RAB27A: variants seen among roughly 807,000 people sequenced by gnomAD.
RAB27A encodes ras-related protein Rab-27A.
Under a neutral mutation model 20.8 loss-of-function variants are expected in RAB27A, and 17 were observed. The ratio of observed to expected loss-of-function variants is 0.82; its 90% CI spans 0.56 to 1.23. The LOEUF is 1.23. RAB27A is among the 50% of genes most tolerant of loss of function. The probability of loss-of-function intolerance (pLI) is 0.00; values close to 1 mark genes in which losing one functional copy is unlikely to be tolerated. For synonymous variants in RAB27A, 85 were observed against 92.8 expected (o/e 0.92, Z 0.48); for missense variants, 277 against 266.7 (o/e 1.04, Z -0.27).
intron 2 of RAB27A, among the ~76,000 whole-genome samples, chr15:55,310,683 T>A (rs1208238713): frequency 6.6e-6 from 1 of 152,284 alleles, no homozygotes; most frequent in African/African-American, 2.4e-5. Flanking sequence ...CCATTCCACC[T>A]GCTCCTCCTG....
intron 5 of RAB27A, among the ~76,000 whole-genome samples, chr15:55,226,855 T>A: frequency 8.3e-6 from 1 of 120,676 alleles, no homozygotes; most frequent in African/African-American, 3.2e-5. Context: ...GCAACAAGAG[T>A]AGAAACTCCA....
At chr15:55,302,503 G>A (rs926002307) in intron 2 of RAB27A, among the ~76,000 whole-genome samples, 149 of 151,796 alleles carry the variant, frequency 9.8e-4, no homozygotes, top group Non-Finnish European at 4.7e-4. Flanking sequence ...CACCCCGTCT[G>A]GGAAGTGAGG....
At chr15:55,252,731 A>G (rs1896937084) in intron 2 of RAB27A, among the ~76,000 whole-genome samples, 1 of 152,188 alleles carries the variant, frequency 6.6e-6, no homozygotes, top group South Asian at 2.1e-4. Flanking sequence ...TACAAAAAAA[A>G]AGACCCATAG....
chr15:55,251,845 T>C (rs1478469926), intron 2 of RAB27A, among the ~76,000 whole-genome samples: 1 of 152,188 alleles, frequency 6.6e-6, no homozygotes, highest in Non-Finnish European at 1.5e-5. Flanking sequence ...AGCTAATGTC[T>C]GTGTCATGAG....
chr15:55,285,142 T>G (rs1364215014), intron 1 of RAB27A, among the ~76,000 whole-genome samples: 2 of 152,300 alleles, frequency 1.3e-5, no homozygotes, highest in African/African-American at 4.8e-5. Flanking sequence ...TTTAGTGTTT[T>G]TCTGCAATGC....
chr15:55,312,137 G>A (rs1031355548), intron 2 of RAB27A, among the ~76,000 whole-genome samples: 4 of 152,248 alleles, frequency 2.6e-5, no homozygotes, highest in Non-Finnish European at 4.4e-5. Flanking sequence ...CAAGCCTTCA[G>A]TCCGATCAGG....
At chr15:55,256,450 C>G (rs1299664306) in intron 2 of RAB27A, among the ~76,000 whole-genome samples, 1 of 152,128 alleles carries the variant, frequency 6.6e-6, no homozygotes, top group Non-Finnish European at 1.5e-5. Context: ...CTGACCGTGA[C>G]TCAAAGCAAG....
intron 3 of RAB27A, among the ~76,000 whole-genome samples, chr15:55,233,509 A>G (rs1392968159): frequency 6.6e-6 from 1 of 152,232 alleles, no homozygotes; most frequent in Non-Finnish European, 1.5e-5. Flanking sequence ...ATAAGTAATG[A>G]AGTCCTGATA....
chr15:55,306,285 T>C lies in RAB27A; in HGVS notation c.-112+7754A>G, dbSNP rs552567910. Among the ~76,000 whole-genome samples, 11 of 152,266 alleles carry C rather than the reference T, an allele frequency of 7.2e-5. No homozygotes were observed. In the South Asian group the frequency reaches 1.2e-3, roughly 17 times the overall value. On this transcript the variant is annotated intron_variant, in intron 2 of 5. Transcript: ENST00000563262. ...TTGTTCCCTTGTTCAGGTACAGGGA[T>C]TGAAATGTATGGCCTTAAGTGCAGA... is the stretch of plus-strand genomic sequence containing the variant.
At chr15:55,299,499 C>G (rs1006634872) in intron 2 of RAB27A, among the ~76,000 whole-genome samples, 3 of 150,688 alleles carry the variant, frequency 2.0e-5, no homozygotes, top group African/African-American at 7.3e-5. Context: ...AAGGCTGAGG[C>G]AGGAGAATTG....
chr15:55,302,012 A>G (rs892152359), intron 2 of RAB27A, among the ~76,000 whole-genome samples: 35 of 151,814 alleles, frequency 2.3e-4, no homozygotes, highest in Non-Finnish European at 5.9e-5. Context: ...ACCTGTCTCT[A>G]CCAAAAATAG....
upstream of RAB27A, among the ~76,000 whole-genome samples, chr15:55,294,590 A>AG (rs1491386788): frequency 6.5e-5 from 6 of 92,832 alleles, no homozygotes; most frequent in Admixed American, 7.2e-4. Flanking sequence ...CCTGTCTCCG[A>AG]AAAAAAAAAA....
At chr15:55,209,472 C>A (rs1894811511) in intron 6 of RAB27A, among the ~76,000 whole-genome samples, 1 of 152,068 alleles carries the variant, frequency 6.6e-6, no homozygotes, top group Non-Finnish European at 1.5e-5. Context: ...GATGGGATTT[C>A]ATTCTTTTTA....
intron 1 of RAB27A, among the ~76,000 whole-genome samples, chr15:55,274,794 T>TTATATATATATATATATA (rs371945954): frequency 0.01 from 521 of 52,012 alleles, 24 homozygotes; most frequent in Middle Eastern, 0.016. Context: ...AATAAATAAA[T>TTATATATATATATATATA]TATATATATA....
At chr15:55,236,043 A>G (rs779472517) in intron 2 of RAB27A, among the ~76,000 whole-genome samples, 9 of 152,034 alleles carry the variant, frequency 5.9e-5, no homozygotes, top group African/African-American at 9.7e-5. Flanking sequence ...GGGATAAAAG[A>G]CTACAGATTG....
chr15:55,220,210 G>C (rs1380503451), intron 6 of RAB27A, among the ~76,000 whole-genome samples: 1 of 152,116 alleles, frequency 6.6e-6, no homozygotes, highest in Non-Finnish European at 1.5e-5. Flanking sequence ...CTATTCCAGA[G>C]AACCAATTGT....
At chr15:55,230,254 A>G (rs1895976142) in intron 4 of RAB27A, 147 bp downstream of exon 4, 1 of 763,488 alleles carries the variant, frequency 1.3e-6, no homozygotes, top group South Asian at 1.4e-5. Context: ...TTCTCATCTC[A>G]GACTTGACAA....
chr15:55,304,900 T>C (rs1030721910), intron 2 of RAB27A, among the ~76,000 whole-genome samples: 1 of 152,106 alleles, frequency 6.6e-6, no homozygotes, highest in Non-Finnish European at 1.5e-5. Flanking sequence ...CAAGATTTCA[T>C]AGAGTGAAAA....
chr15:55,290,571 A>G (rs772437897), upstream of RAB27A, among the ~76,000 whole-genome samples: 1 of 152,246 alleles, frequency 6.6e-6, no homozygotes, highest in African/African-American at 2.4e-5. Flanking sequence ...AGAAAACTAC[A>G]GTATGTTAAG....
Sources: gnomAD v4.1 joint callset for allele counts (sites outside exome capture counted in the v4.1 genomes callset) on GRCh38, gnomAD v4.1.1 for gene constraint, MANE v1.5 for transcripts, NCBI Gene and HGNC (gene_info 2026-07-23, HGNC 2026-07-21) for gene names.